Variants in IRF1 observed in about 807,000 individuals in gnomAD.
IRF1 encodes the protein interferon regulatory factor 1.
In IRF1, 13 loss-of-function variants were observed where a neutral mutation model predicts 43.7. The ratio of observed to expected loss-of-function variants is 0.30; its 90% CI spans 0.19 to 0.47. IRF1 has a LOEUF of 0.47. Among genes scored for constraint, IRF1 ranks in the 20% least tolerant of loss-of-function variants. The probability of loss-of-function intolerance (pLI) is 0.99; values close to 1 mark genes in which losing one functional copy is unlikely to be tolerated. For missense variants in IRF1, 236 were observed against 408.9 expected (o/e 0.58, Z 3.65); for synonymous variants, 138 against 146.8 (o/e 0.94, Z 0.43).
intron 4 of IRF1, 52 bp downstream of exon 4, chr5:132,486,902 C>A: frequency 6.2e-7 from 1 of 1,614,114 alleles, no homozygotes; most frequent in South Asian, 1.1e-5. Context: ...AGCTGACCTC[C>A]TTCTACCCTC....
intron 1 of IRF1, chr5:132,489,735 T>C (rs1166501769): frequency 2.3e-6 from 1 of 428,370 alleles, no homozygotes; most frequent in African/African-American, 1.9e-5. Flanking sequence ...GGCATGCAAG[T>C]GATGGCTTCA....
intron 2 of IRF1, 151 bp from the exon 3 acceptor site, chr5:132,488,176 T>C: frequency 1.6e-6 from 1 of 630,076 alleles, no homozygotes; most frequent in Non-Finnish European, 2.9e-6. Flanking sequence ...TGGACACCCA[T>C]CTTGAGGCTG....
Position 132,486,809 on chromosome 5 carries a change from T to C in IRF1, c.400A>G (p.Lys134Glu). Residue 134 changes from lysine (K) to glutamate (E), a missense_variant, in exon 5 of 10, where the codon AAG becomes GAG. Physicochemically the swap from Lys to Glu is moderately conservative, Grantham distance 56 (BLOSUM62 1). This residue lies in a region of IRF1 where 170 missense variants were observed against 251.8 expected (regional missense o/e 0.68). Transcript: ENST00000245414. ...ACCACACTCACCTTCCTCTTGGCCT[T>C]GCTCTTAGCATCTCGGCTGGACTTC... Reference protein sequence around the residue: ...KSKSSRDAKSKAKRKSCGDSS... With the variant: ...KSKSSRDAKSEAKRKSCGDSS... 1 of 1,614,244 alleles carries C rather than the reference T, an allele frequency of 6.2e-7. No homozygotes were observed. Among genetic ancestry groups the C allele is most frequent in the Admixed American group, 1.7e-5 (1 of 60,036 alleles).
At position 132,483,913 on chromosome 5, in the gene IRF1, T is replaced by A. The variant is rs1313883213; in HGVS notation, c.*38A>T. Reference sequence around the variant, plus strand: ...CCATATCCACCATGATGCCAGGTCCTGCTTGCCTAGAGGAATAAGAGGGGC... The same window carrying A: ...CCATATCCACCATGATGCCAGGTCCAGCTTGCCTAGAGGAATAAGAGGGGC... On this transcript the variant is annotated 3_prime_UTR_variant, in exon 10 of 10. Transcript: ENST00000245414. 5 of 1,609,460 alleles carry A rather than the reference T, an allele frequency of 3.1e-6. No individual in the cohort carries two copies. The highest frequency in any genetic ancestry group is 1.3e-5 in the African/African-American group (1 of 74,810).
intron 8 of IRF1, chr5:132,484,702 A>G: frequency 1.7e-6 from 1 of 589,880 alleles, no homozygotes; most frequent in Non-Finnish European, 3.0e-6. Flanking sequence ...CTGGTCCTCA[A>G]TTCATTTTCC....
chr5:132,485,849 A>ACACACACACACACACACAC lies in IRF1; in HGVS notation c.668-134_668-133insGTGTGTGTGTGTGTGTGTG, dbSNP rs111906639. 1,522 of 669,646 alleles carry ACACACACACACACACACAC rather than the reference A, an allele frequency of 2.3e-3. 14 individuals are homozygous for ACACACACACACACACACAC. The highest frequency in any genetic ancestry group is 0.018 in the African/African-American group (994 of 54,624). The allele number at this position is 669,646 out of a possible 1,614,324, so 41.5% of individuals were successfully genotyped here. A position where few individuals can be genotyped will look rare whatever the true frequency, so the allele number is the denominator to read the frequency against. On this transcript the variant is annotated intron_variant, in intron 7 of 9. Transcript: ENST00000245414. ...CTCTGACACACACACACACACACAC[A>ACACACACACACACACACAC]CCCTCCCGGTGGACCTATCTGCCAT...
At chr5:132,485,640 G>C in intron 8 of IRF1, 27 bp downstream of exon 8, 1 of 1,573,290 alleles carries the variant, frequency 6.4e-7, no homozygotes, top group Non-Finnish European at 8.8e-7. Context: ...GTCACTTCAA[G>C]AGTGCCCAGG....
chr5:132,489,222 A>C (rs540723583), intron 2 of IRF1, 170 bp downstream of exon 2: 119 of 592,058 alleles, frequency 2.0e-4, no homozygotes, highest in Non-Finnish European at 3.4e-5. Flanking sequence ...GGAGTCATGC[A>C]AGTGAGGCCC....
In IRF1 at chr5:132,490,293, C is replaced by T. The variant is rs1321889225; in HGVS notation, c.-6+252G>A. On this transcript the variant is annotated intron_variant, in intron 1 of 9. Coordinates refer to ENST00000245414, the MANE Select transcript of IRF1 (RefSeq NM_002198.3). This position sits in a 1 kb window ranked among gnomAD's most constrained non-coding sequence, Gnocchi z 5.8. ...TACAGGCCCCTGGCGGCTGCGCGCA[C>T]GCAGATCTGCGAAAGCTGCCGGGCG... 2 of 151,668 alleles carry T rather than the reference C, an allele frequency of 1.3e-5. No individual in the cohort carries two copies. The highest frequency in any genetic ancestry group is 4.8e-5 in the African/African-American group (2 of 41,390). 9.4% of individuals were successfully genotyped at this position (151,668 alleles called of 1,614,324 possible). A position where few individuals can be genotyped will look rare whatever the true frequency, so the allele number is the denominator to read the frequency against.
Position 132,484,471 on chromosome 5 carries a change from T to C in IRF1, c.744A>G (p.Pro248=). Residue 248 remains proline, a synonymous_variant, in exon 9 of 10, where the codon CCA becomes CCG. Coordinates refer to ENST00000245414, the MANE Select transcript of IRF1 (RefSeq NM_002198.3). ...GGTACCCCTTCCCATCCACGTTTGT[T>C]GGCTGCCACTCCGACTGCTCCAAGA... ...MKLLEQSEWQ[P]TNVDGKGYLL... 6.2e-7 allele frequency: 1 copy of C among 1,614,220 alleles called. No individual in the cohort carries two copies. Among genetic ancestry groups the C allele is most frequent in the Non-Finnish European group, 8.5e-7 (1 of 1,180,040 alleles).
rs1214579554 is a variant in IRF1 at position 132,483,373 on chromosome 5, T to TC, written c.*577dup. ...CACACGAAAAAGTGCCAAGTTTTTT[T>TC]CCCAAGCCCCTCAGCCAAAGCAGGG... is the stretch of plus-strand genomic sequence containing the variant. On this transcript the variant is annotated 3_prime_UTR_variant, in exon 10 of 10. Coordinates refer to ENST00000245414, the MANE Select transcript of IRF1 (RefSeq NM_002198.3). The TC allele has an allele frequency of 1.3e-5, 2 of 152,838 alleles. No homozygotes were observed. Among genetic ancestry groups the TC allele is most frequent in the Non-Finnish European group, 2.9e-5 (2 of 68,084 alleles). The allele number at this position is 152,838 out of a possible 1,614,324, so 9.5% of individuals were successfully genotyped here. A position where few individuals can be genotyped will look rare whatever the true frequency, so the allele number is the denominator to read the frequency against.
At position 132,484,085 on chromosome 5, in the gene IRF1, G is replaced by C. The variant is rs777356460; in HGVS notation, c.854-10C>G. 5 of 1,613,578 alleles carry C rather than the reference G, an allele frequency of 3.1e-6. No individual in the cohort carries two copies. Among genetic ancestry groups the C allele is most frequent in the Non-Finnish European group, 4.2e-6 (5 of 1,179,634 alleles). On this transcript the variant is annotated splice_polypyrimidine_tract_variant and intron_variant, in intron 9 of 9. Transcript: ENST00000245414. ...CTCAGCCCAATATCCCCTAGAAGATGTGAAGAAGGTTGTATGAGGGTAGGG... is the reference window on the plus strand; with the variant it reads ...CTCAGCCCAATATCCCCTAGAAGATCTGAAGAAGGTTGTATGAGGGTAGGG...
rs1195839867 is a variant in IRF1 at position 132,490,446 on chromosome 5, C to A, written c.-6+99G>T. Reference sequence around the variant, plus strand: ...AGGCCCGGGCAACGCCGCGCGCCGGCGAGTCTCCAGCCTGGAGCTTTCGAC... The same window carrying A: ...AGGCCCGGGCAACGCCGCGCGCCGGAGAGTCTCCAGCCTGGAGCTTTCGAC... On this transcript the variant is annotated intron_variant, in intron 1 of 9. Coordinates refer to ENST00000245414, the MANE Select transcript of IRF1 (RefSeq NM_002198.3). This position sits in a 1 kb window ranked among gnomAD's most constrained non-coding sequence, Gnocchi z 5.8. 6.6e-6 allele frequency: 1 copy of A among 150,782 alleles called. No individual in the cohort carries two copies. The highest frequency in any genetic ancestry group is 1.5e-5 in the Non-Finnish European group (1 of 67,586). The allele number at this position is 150,782 out of a possible 1,614,324, so 9.3% of individuals were successfully genotyped here.
chr5:132,488,452 A>G (rs761633131), intron 2 of IRF1: 7 of 164,442 alleles, frequency 4.3e-5, no homozygotes, highest in Non-Finnish European at 8.1e-5. Flanking sequence ...GGTCCTGGTC[A>G]TACCACTGAG....
intron 6 of IRF1, 79 bp from the exon 7 acceptor site, chr5:132,486,452 C>A: frequency 6.2e-7 from 1 of 1,610,238 alleles, no homozygotes; most frequent in South Asian, 1.1e-5. Flanking sequence ...CCGACCAACC[C>A]TGCAGCCTGC....
At chr5:132,489,572 C>T in intron 1 of IRF1, 89 bp from the exon 2 acceptor site, 1 of 924,944 alleles carries the variant, frequency 1.1e-6, no homozygotes, top group Non-Finnish European at 1.8e-6. Flanking sequence ...CTTAGTTACC[C>T]TCCCCTCACC....
Position 132,483,993 on chromosome 5 carries a change from T to G in IRF1, c.936A>C (p.Pro312=). 6.2e-7 allele frequency: 1 copy of G among 1,613,912 alleles called. No individual in the cohort carries two copies. The highest frequency in any genetic ancestry group is 8.5e-7 in the Non-Finnish European group (1 of 1,180,002). The part of the protein sequence containing the change: ...DATWLDSLLT[P]VRLPSIQAIP... ...TGGCCTGGATGGAGGGCAACCGGAC[T>G]GGGGTCAGCAGGCTGTCCAGCCAGG... Residue 312 remains proline (P), a synonymous_variant, in exon 10 of 10, where the codon CCA becomes CCC. Transcript: ENST00000245414.
intron 4 of IRF1, 46 bp from the exon 5 acceptor site, chr5:132,486,890 C>A: frequency 6.2e-7 from 1 of 1,614,096 alleles, no homozygotes. Context: ...CTCTCCAGCC[C>A]CAGCTGACCT....
Position 132,483,874 on chromosome 5 carries a change from C to T in IRF1, c.*77G>A. The T allele has an allele frequency of 6.4e-7, 1 of 1,566,468 alleles. No homozygotes were observed. The highest frequency in any genetic ancestry group is 1.1e-5 in the South Asian group (1 of 87,282). On this transcript the variant is annotated 3_prime_UTR_variant, in exon 10 of 10. Transcript: ENST00000245414. ...TGGCTGTTGAGGGGCCCACAGAAGT[C>T]CAGCTTCTCTGCACCATATCCACCA...
Sources: gnomAD v4.1 joint callset for allele counts on GRCh38, gnomAD v4.1.1 for gene constraint, gnomAD v4.1.1 regional missense constraint, Gnocchi (gnomAD v3.1) non-coding constraint, MANE v1.5 for transcripts, NCBI Gene and HGNC (gene_info 2026-07-23, HGNC 2026-07-21) for gene names.